Variants in MRPL48 observed in about 807,000 individuals in gnomAD.
The protein encoded by MRPL48 is large ribosomal subunit protein mL48.
In MRPL48, 16 loss-of-function variants were observed where a neutral mutation model predicts 32.9. The ratio of observed to expected loss-of-function variants is 0.49; its 90% CI spans 0.33 to 0.74. The LOEUF is 0.74. Among genes scored for constraint, MRPL48 ranks in the 30% least tolerant of loss-of-function variants. The probability of loss-of-function intolerance (pLI) is 0.02; values close to 1 mark genes in which losing one functional copy is unlikely to be tolerated. For missense variants in MRPL48, 206 were observed against 245.3 expected (o/e 0.84, Z 1.07); for synonymous variants, 94 against 89.2 (o/e 1.05, Z -0.31).
chr11:73,798,389 C>T (rs942033596), intron 1 of MRPL48, among the ~76,000 whole-genome samples: 3 of 152,072 alleles, frequency 2.0e-5, no homozygotes, highest in Admixed American at 6.5e-5. Context: ...CCACCTCGCC[C>T]GGCCAACAAA....
At chr11:73,829,222 C>T (rs1947952733) in intron 4 of MRPL48, among the ~76,000 whole-genome samples, 2 of 152,170 alleles carry the variant, frequency 1.3e-5, no homozygotes, top group African/African-American at 2.4e-5. Context: ...ACTTGGAAGA[C>T]CTCCCCTTCT....
chr11:73,850,517 C>A, intron 5 of MRPL48: 1 of 366,390 alleles, frequency 2.7e-6, no homozygotes, highest in South Asian at 2.1e-5. Context: ...AAACACCTTC[C>A]AGCCTTTGTC....
At chr11:73,862,412 A>G (rs2135094365) in intron 6 of MRPL48, among the ~76,000 whole-genome samples, 1 of 151,974 alleles carries the variant, frequency 6.6e-6, no homozygotes, top group East Asian at 1.9e-4. Flanking sequence ...ACAAGAGCGA[A>G]ACTCCATCTC....
At chr11:73,859,879 C>T (rs369221414) in intron 5 of MRPL48, 28 bp from the exon 6 acceptor site, 1 of 1,594,964 alleles carries the variant, frequency 6.3e-7, no homozygotes, top group African/African-American at 1.3e-5. Context: ...AGTGAACACT[C>T]ACTATAGCTG....
At chr11:73,863,134 T>C in intron 6 of MRPL48, 38 bp from the exon 7 acceptor site, 1 of 1,537,618 alleles carries the variant, frequency 6.5e-7, no homozygotes, top group Non-Finnish European at 8.8e-7. Flanking sequence ...CGTTTTCAGC[T>C]CCTCCCACCT....
chr11:73,840,281 C>G (rs1948165496), intron 4 of MRPL48, among the ~76,000 whole-genome samples: 1 of 151,894 alleles, frequency 6.6e-6, no homozygotes, highest in Non-Finnish European at 1.5e-5. Flanking sequence ...TCACTTGAAC[C>G]CAGGAGTTTG....
chr11:73,830,703 C>G (rs1247486273), intron 4 of MRPL48, among the ~76,000 whole-genome samples: 1 of 152,156 alleles, frequency 6.6e-6, no homozygotes, highest in Non-Finnish European at 1.5e-5. Context: ...GTATCCAACC[C>G]TTGTCCCATT....
chr11:73,800,983 G>T (rs181650923), intron 1 of MRPL48, among the ~76,000 whole-genome samples: 3 of 151,784 alleles, frequency 2.0e-5, no homozygotes, highest in Non-Finnish European at 4.4e-5. Context: ...GGCTAATTTT[G>T]TATTTTTAGT....
intron 3 of MRPL48, chr11:73,823,002 A>G (rs1382583820): frequency 4.4e-6 from 2 of 453,088 alleles, no homozygotes; most frequent in African/African-American, 2.0e-5. Context: ...ACTGTCTCCC[A>G]TCACCCCCAG....
At chr11:73,857,791 C>T (rs943819587) in intron 5 of MRPL48, among the ~76,000 whole-genome samples, 5 of 151,774 alleles carry the variant, frequency 3.3e-5, no homozygotes, top group African/African-American at 4.8e-5. Context: ...GACAGTTTCA[C>T]CGTGTTGGTC....
intron 1 of MRPL48, among the ~76,000 whole-genome samples, chr11:73,798,376 G>A (rs1420610502): frequency 6.6e-6 from 1 of 152,102 alleles, no homozygotes; most frequent in Non-Finnish European, 1.5e-5. Context: ...TTACACATGT[G>A]AGCCACCTCG....
At chr11:73,792,388 A>T (rs1196824440) in intron 1 of MRPL48, among the ~76,000 whole-genome samples, 2 of 152,194 alleles carry the variant, frequency 1.3e-5, no homozygotes, top group Non-Finnish European at 2.9e-5. Context: ...CTGAACCACA[A>T]GGGTATGGTT....
intron 1 of MRPL48, chr11:73,789,350 C>G (rs565982287): frequency 6.6e-6 from 1 of 152,188 alleles, no homozygotes; most frequent in South Asian, 2.1e-4. Context: ...TCTGGAACTC[C>G]TGGAAAAGAG....
rs376681158 is a variant in MRPL48, at chr11:73,844,066, T to A, written c.202-741T>A. On this transcript the variant is annotated intron_variant, in intron 4 of 7. Transcript: ENST00000310614. ...TGCATTCCAGCCTGGGCGACAAGAG[T>A]GAAACTCCATCTCAAAAAAAAAAAA... Among the ~76,000 whole-genome samples, 21 of 147,572 alleles carry A rather than the reference T, an allele frequency of 1.4e-4. No homozygotes were observed. The East Asian group carries it at 4.0e-3, about 28-fold the overall frequency.
intron 3 of MRPL48, among the ~76,000 whole-genome samples, chr11:73,813,354 A>T (rs1014100066): frequency 5.3e-5 from 8 of 151,276 alleles, no homozygotes; most frequent in Non-Finnish European, 7.4e-5. Flanking sequence ...TTGTATTTTT[A>T]GTAGAGACAG....
chr11:73,803,250 C>T (rs375491898), intron 1 of MRPL48, among the ~76,000 whole-genome samples: 74 of 152,082 alleles, frequency 4.9e-4, no homozygotes, highest in African/African-American at 1.7e-3. Flanking sequence ...GCCTCAGCCT[C>T]CTCCCAAGTA....
intron 1 of MRPL48, among the ~76,000 whole-genome samples, chr11:73,799,267 G>T (rs1401889902): frequency 6.6e-6 from 1 of 152,092 alleles, no homozygotes; most frequent in Non-Finnish European, 1.5e-5. Context: ...CAGGAGAATG[G>T]CTTAAGTCTA....
intron 1 of MRPL48, among the ~76,000 whole-genome samples, chr11:73,790,586 G>A (rs1487860399): frequency 2.7e-5 from 4 of 150,444 alleles, no homozygotes; most frequent in East Asian, 2.0e-4. Flanking sequence ...GGGTTTCACC[G>A]TGTTAGCTAG....
chr11:73,795,823 G>C (rs1723836), intron 1 of MRPL48, among the ~76,000 whole-genome samples: 1 of 152,226 alleles, frequency 6.6e-6, no homozygotes, highest in Admixed American at 6.5e-5. Context: ...TTTTAAAGTA[G>C]ATAATTTAAT....
Sources: gnomAD v4.1 joint callset for allele counts (sites outside exome capture counted in the v4.1 genomes callset) on GRCh38, gnomAD v4.1.1 for gene constraint, MANE v1.5 for transcripts, NCBI Gene and HGNC (gene_info 2026-07-23, HGNC 2026-07-21) for gene names.